The following CCDC126 variants were observed in gnomAD, a reference collection of about 807,000 sequenced individuals.
The protein encoded by CCDC126 is coiled-coil domain-containing protein 126.
CCDC126 carries 5 observed loss-of-function variants against 11.7 expected under a neutral mutation model. That is an observed-to-expected ratio of 0.43 (90% CI 0.22 to 0.90). The LOEUF is 0.90. CCDC126 is among the 40% of genes least tolerant of loss of function. The pLI, the probability that CCDC126 is intolerant of heterozygous loss-of-function variation, is 0.27. For synonymous variants in CCDC126, 60 were observed against 61.9 expected (o/e 0.97, Z 0.14); for missense variants, 150 against 163.1 (o/e 0.92, Z 0.44).
chr7:23,622,764 A>C, intron 3 of CCDC126: 2 of 507,538 alleles, frequency 3.9e-6, no homozygotes, highest in Non-Finnish European at 7.9e-6. Context: ...TGTCATGTAC[A>C]TTTCTAACCA....
chr7:23,620,656 G>A (rs1314880786), intron 3 of CCDC126, among the ~76,000 whole-genome samples: 3 of 152,078 alleles, frequency 2.0e-5, no homozygotes, highest in Admixed American at 1.3e-4. Context: ...CCTTGCCCAT[G>A]CCTATGTCCT....
rs951946130 is a variant in CCDC126, at chr7:23,642,997, A to C, written c.305A>C (p.Asn102Thr). 2 of 1,614,074 alleles carry C rather than the reference A, an allele frequency of 1.2e-6. No homozygotes were observed. The highest frequency in any genetic ancestry group is 1.7e-6 in the Non-Finnish European group (2 of 1,180,024). Reference protein sequence around the residue: ...DILQRLVKLENKVDYIVVNGS... With the variant: ...DILQRLVKLETKVDYIVVNGS... ...TTGCAACGATTGGTGAAGCTGGAGA[A>C]CAAAGTTGACTATATTGTTGTGAAT... The change falls in exon 4 of 4, where the codon AAC becomes ACC. Residue 102 changes from asparagine to threonine, a missense_variant. Physicochemically the swap from Asn to Thr is moderately conservative, Grantham distance 65. Coordinates refer to ENST00000307471, the MANE Select transcript of CCDC126 (RefSeq NM_138771.4).
intron 3 of CCDC126, among the ~76,000 whole-genome samples, chr7:23,628,311 C>G (rs1416730855): frequency 6.6e-6 from 1 of 152,142 alleles, no homozygotes; most frequent in African/African-American, 2.4e-5. Context: ...AGGAGTGACA[C>G]AGTGGTATGT....
chr7:23,604,429 G>A (rs1306580368), intron 2 of CCDC126: 4 of 152,178 alleles, frequency 2.6e-5, no homozygotes, highest in Admixed American at 6.5e-5. Context: ...ACTGGGTTGT[G>A]GAGGCCCATG....
intron 3 of CCDC126, among the ~76,000 whole-genome samples, chr7:23,618,538 A>ATGTTT (rs1562493420): frequency 1.7e-5 from 2 of 119,618 alleles, no homozygotes. Flanking sequence ...GATCAGCTAA[A>ATGTTT]TTTTTTTTTT....
chr7:23,620,361 T>C (rs1782871053), intron 3 of CCDC126, among the ~76,000 whole-genome samples: 1 of 152,288 alleles, frequency 6.6e-6, no homozygotes, highest in Admixed American at 6.5e-5. Context: ...CATGTGTCTG[T>C]TGGCTGCATA....
At chr7:23,620,332 GTGA>G (rs1224700381) in intron 3 of CCDC126, among the ~76,000 whole-genome samples, 2 of 152,260 alleles carry the variant, frequency 1.3e-5, no homozygotes, top group African/African-American at 2.4e-5. Flanking sequence ...CTGATGGCCA[GTGA>G]TGATGAGCAT....
chr7:23,602,768 G>A (rs1165784967), intron 2 of CCDC126, among the ~76,000 whole-genome samples: 1 of 151,924 alleles, frequency 6.6e-6, no homozygotes, highest in Non-Finnish European at 1.5e-5. Flanking sequence ...CACACCTCAG[G>A]CAGATGTTCC....
intron 2 of CCDC126, 126 bp downstream of exon 2, chr7:23,598,177 T>TA (rs1782462560): frequency 6.6e-6 from 1 of 152,246 alleles, no homozygotes; most frequent in African/African-American, 2.4e-5. Context: ...CTTGGTTACT[T>TA]AAAGGCTCTA....
chr7:23,623,160 T>C (rs1782952802), intron 3 of CCDC126, among the ~76,000 whole-genome samples: 2 of 149,546 alleles, frequency 1.3e-5, no homozygotes, highest in South Asian at 2.1e-4. Context: ...TTTTTTTTGG[T>C]ATTTTTAGTA....
At chr7:23,631,050 A>C (rs1422067036) in intron 3 of CCDC126, among the ~76,000 whole-genome samples, 3 of 152,140 alleles carry the variant, frequency 2.0e-5, no homozygotes, top group Non-Finnish European at 2.9e-5. Context: ...CATAAATCAG[A>C]AAAGAGGAAA....
intron 3 of CCDC126, among the ~76,000 whole-genome samples, chr7:23,617,087 C>G (rs1237372797): frequency 2.0e-5 from 3 of 151,492 alleles, no homozygotes; most frequent in African/African-American, 7.3e-5. Flanking sequence ...GGTGGCTCAC[C>G]CCTGTAATCC....
intron 3 of CCDC126, among the ~76,000 whole-genome samples, chr7:23,615,148 T>C (rs935347785): frequency 6.6e-6 from 1 of 152,228 alleles, no homozygotes; most frequent in Non-Finnish European, 1.5e-5. Context: ...ATAGCCACCT[T>C]CATCAATGAT....
At chr7:23,600,382 C>G (rs534654738) in intron 2 of CCDC126, among the ~76,000 whole-genome samples, 21 of 143,796 alleles carry the variant, frequency 1.5e-4, no homozygotes, top group African/African-American at 4.8e-4. Flanking sequence ...TAACCCCCCC[C>G]CCCCCACCAC....
intron 3 of CCDC126, among the ~76,000 whole-genome samples, chr7:23,617,363 A>G (rs1782812485): frequency 6.6e-6 from 1 of 151,406 alleles, no homozygotes; most frequent in Non-Finnish European, 1.5e-5. Context: ...AAAAAAAAAA[A>G]AAAAAAAAAA....
At chr7:23,633,170 T>G (rs1783145185) in intron 3 of CCDC126, among the ~76,000 whole-genome samples, 1 of 152,130 alleles carries the variant, frequency 6.6e-6, no homozygotes, top group South Asian at 2.1e-4. Context: ...TTTTGTATTT[T>G]TAGTAGGGAA....
intron 3 of CCDC126, among the ~76,000 whole-genome samples, chr7:23,621,092 G>A (rs1293881417): frequency 6.6e-6 from 1 of 152,196 alleles, no homozygotes; most frequent in Non-Finnish European, 1.5e-5. Flanking sequence ...GAACTTTAAA[G>A]TAGTTTTTTC....
chr7:23,628,639 C>A (rs1168656080), intron 3 of CCDC126, among the ~76,000 whole-genome samples: 1 of 152,196 alleles, frequency 6.6e-6, no homozygotes, highest in Non-Finnish European at 1.5e-5. Flanking sequence ...GGAAATGTCA[C>A]CCCTGCCAGC....
chr7:23,639,222 C>T (rs1314047003), intron 3 of CCDC126, among the ~76,000 whole-genome samples: 2 of 143,014 alleles, frequency 1.4e-5, no homozygotes, highest in Non-Finnish European at 1.5e-5. Context: ...GATGGAGTCT[C>T]GCTCTGTCAC....
Sources: allele counts gnomAD v4.1 joint callset (sites outside exome capture counted in the v4.1 genomes callset), GRCh38; gene constraint gnomAD v4.1.1; transcripts MANE v1.5; gene names NCBI Gene and HGNC (gene_info 2026-07-23, HGNC 2026-07-21).